SPECC1L: variants seen among roughly 807,000 people sequenced by gnomAD.
SPECC1L encodes sperm antigen with calponin homology and coiled-coil domains 1 like, also known as cytospin-A.
SPECC1L carries 40 observed loss-of-function variants against 116.8 expected under a neutral mutation model. That is an observed-to-expected ratio of 0.34 (90% confidence interval 0.27 to 0.45). The LOEUF (loss-of-function observed/expected upper bound fraction) is 0.45, where lower values mean the gene tolerates loss of function less well. SPECC1L is among the 20% of genes least tolerant of loss of function. SPECC1L has a pLI of 1.00. For synonymous variants in SPECC1L, 504 were observed against 500.6 expected (o/e 1.01, Z -0.09); for missense variants, 1,110 against 1,373.6 (o/e 0.81, Z 3.03).
At chr22:24,361,032 A>T (rs1317134455) in intron 11 of SPECC1L, among the ~76,000 whole-genome samples, 6 of 152,184 alleles carry the variant, frequency 3.9e-5, no homozygotes, top group Admixed American at 1.3e-4. Flanking sequence ...ATCTTTATTA[A>T]GCTCATCCTT....
intron 3 of SPECC1L, among the ~76,000 whole-genome samples, chr22:24,304,723 A>G (rs1455736175): frequency 1.3e-5 from 2 of 152,252 alleles, no homozygotes; most frequent in East Asian, 1.9e-4. Context: ...GTTAGAATCT[A>G]TAATTGATAT....
chr22:24,322,983 T>C, intron 5 of SPECC1L, 65 bp downstream of exon 5: 6 of 1,593,794 alleles, frequency 3.8e-6, no homozygotes, highest in Non-Finnish European at 5.1e-6. Context: ...CAGTGTTTAC[T>C]GAGAACCTGG....
intron 1 of SPECC1L, among the ~76,000 whole-genome samples, chr22:24,271,285 G>C (rs117335431): frequency 0.023 from 3,526 of 152,348 alleles, 78 homozygotes; most frequent in South Asian, 0.068. Context: ...CGGCTTGACT[G>C]TGTGCAGACA....
At chr22:24,406,398 GCGAGCAGTA>G (rs1475740197) in intron 14 of SPECC1L, among the ~76,000 whole-genome samples, 5 of 152,192 alleles carry the variant, frequency 3.3e-5, no homozygotes, top group African/African-American at 1.2e-4. Context: ...CAGGCATCCT[GCGAGCAGTA>G]CCTCACTGTC....
At chr22:24,334,341 G>C in intron 8 of SPECC1L, 69 bp from the exon 9 acceptor site, 2 of 1,549,550 alleles carry the variant, frequency 1.3e-6, no homozygotes, top group Non-Finnish European at 1.8e-6. Flanking sequence ...ATGCCTTTCA[G>C]CTGGGAGGGG....
chr22:24,416,388 T>TCCTGGGCGGGA lies in SPECC1L; in HGVS notation c.*1770_*1771insGCGGGACCTGG, dbSNP rs1319849249. The TCCTGGGCGGGA allele has an allele frequency of 2.0e-5, 3 of 152,216 alleles. No individual in the cohort carries two copies. Among genetic ancestry groups the TCCTGGGCGGGA allele is most frequent in the African/African-American group, 7.2e-5 (3 of 41,422 alleles). 9.4% of individuals were successfully genotyped at this position (152,216 alleles called of 1,614,324 possible). ...AAGCATATCAGAGACCCCCGCAGAC[T>TCCTGGGCGGGA]CCTGGCCCCGTCCCGCCCCCTGTCT... On this transcript the variant is annotated 3_prime_UTR_variant, in exon 17 of 17. Transcript: ENST00000314328.
chr22:24,314,720 G>C (rs2040527305), intron 4 of SPECC1L, among the ~76,000 whole-genome samples: 1 of 152,188 alleles, frequency 6.6e-6, no homozygotes, highest in Non-Finnish European at 1.5e-5. Context: ...TATTGTAAAT[G>C]GCATTGGAGC....
chr22:24,344,258 G>A (rs1420268637), intron 10 of SPECC1L, among the ~76,000 whole-genome samples: 1 of 150,780 alleles, frequency 6.6e-6, no homozygotes, highest in Non-Finnish European at 1.5e-5. Flanking sequence ...ATATAAAAAC[G>A]ACAATCCATC....
At chr22:24,414,080 T>G (rs2146830805) in intron 16 of SPECC1L, among the ~76,000 whole-genome samples, 1 of 152,046 alleles carries the variant, frequency 6.6e-6, no homozygotes. Context: ...CAGAGCAGAG[T>G]CTTGGATGAT....
Position 24,284,423 on chromosome 22 carries a change from CTTTTA to C in SPECC1L, c.-38+7645_-38+7649del, listed in dbSNP as rs369988612. ...TTTTGTAATTTAATTAATAGAGAAT[CTTTTA>C]TTTTATTTTATTTTATTTTATTTTG... On this transcript the variant is annotated intron_variant, in intron 2 of 16. Coordinates refer to ENST00000314328, the MANE Select transcript of SPECC1L (RefSeq NM_015330.6). Among the ~76,000 whole-genome samples the C allele has an allele frequency of 7.7e-3, 1,172 of 151,918 alleles. 8 individuals are homozygous for C. Among genetic ancestry groups the C allele is most frequent in the South Asian group, 0.023 (112 of 4,808 alleles).
At chr22:24,348,645 C>G (rs1343595529) in intron 11 of SPECC1L, among the ~76,000 whole-genome samples, 1 of 152,224 alleles carries the variant, frequency 6.6e-6, no homozygotes, top group African/African-American at 2.4e-5. Context: ...CCCAAATACT[C>G]TGCATCTCTC....
chr22:24,364,693 A>G, intron 12 of SPECC1L, among the ~76,000 whole-genome samples: 1 of 150,322 alleles, frequency 6.7e-6, no homozygotes, highest in Admixed American at 6.6e-5. Context: ...GCCCTGAGCT[A>G]GCATTGCATG....
intron 2 of SPECC1L, among the ~76,000 whole-genome samples, chr22:24,289,182 T>C (rs1345394705): frequency 2.6e-5 from 4 of 152,210 alleles, no homozygotes; most frequent in African/African-American, 9.7e-5. Context: ...TTTTTGTAAA[T>C]ATTCAGAAAC....
intron 14 of SPECC1L, among the ~76,000 whole-genome samples, chr22:24,399,342 G>C (rs1316498068): frequency 6.6e-6 from 1 of 152,162 alleles, no homozygotes; most frequent in South Asian, 2.1e-4. Flanking sequence ...AGGCCGAGGC[G>C]GGTGGATCAC....
At chr22:24,278,278 C>T (rs1284447312) in intron 2 of SPECC1L, among the ~76,000 whole-genome samples, 1 of 152,380 alleles carries the variant, frequency 6.6e-6, no homozygotes, top group Non-Finnish European at 1.5e-5. Flanking sequence ...GAAGGATTCC[C>T]TGAGCCCAGA....
rs747628153 is a variant in SPECC1L, at chr22:24,334,493, T to G, written c.2480T>G (p.Leu827Arg). Residue 827 changes from leucine to arginine, a missense_variant, in exon 9 of 17, where the codon CTG (leucine) becomes CGG (arginine). Leu to Arg is a moderately radical substitution (Grantham distance 102, BLOSUM62 -2). Coordinates refer to ENST00000314328, the MANE Select transcript of SPECC1L (RefSeq NM_015330.6). ...DLAALRQGMG[L>R]SRRSSTSSEP... ...GCAGCCTTAAGGCAGGGAATGGGAC[T>G]GAGTAGAAGGTCCTCGACTTCCTCA... 2 of 1,614,170 alleles carry G rather than the reference T, an allele frequency of 1.2e-6. No individual in the cohort carries two copies. Among genetic ancestry groups the G allele is most frequent in the Admixed American group, 3.3e-5 (2 of 60,018 alleles).
At position 24,416,513 on chromosome 22, in the gene SPECC1L, C is replaced by G. The variant is rs1255045154; in HGVS notation, c.*1890C>G. 6.6e-6 allele frequency: 1 copy of G among 152,282 alleles called. No individual in the cohort carries two copies. Among genetic ancestry groups the G allele is most frequent in the East Asian group, 1.9e-4 (1 of 5,202 alleles). The allele number at this position is 152,282 out of a possible 1,614,324, so 9.4% of individuals were successfully genotyped here. A position where few individuals can be genotyped will look rare whatever the true frequency, so the allele number is the denominator to read the frequency against. On this transcript the variant is annotated 3_prime_UTR_variant, in exon 17 of 17. Coordinates refer to ENST00000314328, the MANE Select transcript of SPECC1L (RefSeq NM_015330.6). The stretch of plus-strand genomic sequence containing the variant: ...AGAATTACTGTTTTTAAGTGTCTCT[C>G]CACTTAGGTGTCCTCAGTTCCCACT...
At chr22:24,357,268 C>A (rs865777277) in intron 11 of SPECC1L, among the ~76,000 whole-genome samples, 3 of 152,054 alleles carry the variant, frequency 2.0e-5, no homozygotes, top group Non-Finnish European at 4.4e-5. Flanking sequence ...GAAACAATTT[C>A]TTTTTAAGGC....
rs1254038525 is a variant in SPECC1L, at chr22:24,412,630, A to T, written c.3205-18A>T. The T allele has an allele frequency of 6.2e-7, 1 of 1,614,050 alleles. No homozygotes were observed. The highest frequency in any genetic ancestry group is 1.1e-5 in the South Asian group (1 of 91,072). ...TGTGCCTTGTTCATGCACTGCAGTG[A>T]CACAGTTTCTTTTACAGAGAAGGAA... is the stretch of plus-strand genomic sequence containing the variant. On this transcript the variant is annotated intron_variant, in intron 15 of 16. Coordinates refer to ENST00000314328, the MANE Select transcript of SPECC1L (RefSeq NM_015330.6).
Sources: allele counts gnomAD v4.1 joint callset (sites outside exome capture counted in the v4.1 genomes callset), GRCh38; gene constraint gnomAD v4.1.1; transcripts MANE v1.5; gene names NCBI Gene and HGNC (gene_info 2026-07-23, HGNC 2026-07-21).